The following DCAF4 variants were observed in gnomAD, a reference collection of about 807,000 sequenced individuals.
The protein encoded by DCAF4 is DDB1- and CUL4-associated factor 4.
Under a neutral mutation model 60.9 loss-of-function variants are expected in DCAF4, and 37 were observed. The ratio of observed to expected loss-of-function variants is 0.61; its 90% CI spans 0.47 to 0.80. The LOEUF (loss-of-function observed/expected upper bound fraction) is 0.80, where lower values mean the gene tolerates loss of function less well. DCAF4 is among the 30% of genes least tolerant of loss of function. The pLI, the probability that DCAF4 is intolerant of heterozygous loss-of-function variation, is 0.00. For synonymous variants in DCAF4, 243 were observed against 254.8 expected (o/e 0.95, Z 0.44); for missense variants, 577 against 650.0 (o/e 0.89, Z 1.22).
At chr14:72,953,765 T>TATATATATATATA (rs1891852668) in intron 9 of DCAF4, among the ~76,000 whole-genome samples, 2 of 21,972 alleles carry the variant, frequency 9.1e-5, no homozygotes, top group African/African-American at 1.5e-4. Flanking sequence ...ATATATATAG[T>TATATATATATATA]TTATTTATTT....
chr14:72,940,159 C>A, intron 3 of DCAF4, 61 bp from the exon 4 acceptor site: 1 of 1,600,782 alleles, frequency 6.2e-7, no homozygotes, highest in Non-Finnish European at 8.5e-7. Flanking sequence ...CACTGGGCGC[C>A]CAACTCAGGT....
chr14:72,953,723 AAAAAAAAAAATATATAT>A (rs1350608080), intron 9 of DCAF4, among the ~76,000 whole-genome samples: 4 of 53,664 alleles, frequency 7.5e-5, no homozygotes, highest in African/African-American at 3.6e-4. Context: ...AAAAAAAAAA[AAAAAAAAAAATATATAT>A]ATATATATAT....
chr14:72,940,089 A>G, intron 3 of DCAF4, 131 bp from the exon 4 acceptor site: 1 of 1,334,928 alleles, frequency 7.5e-7, no homozygotes, highest in Non-Finnish European at 1.1e-6. Flanking sequence ...ATGTTGCCTG[A>G]CAAGGCAGCT....
At chr14:72,929,687 G>A (rs1389796003) in intron 1 of DCAF4, 2 of 1,317,480 alleles carry the variant, frequency 1.5e-6, no homozygotes, top group East Asian at 4.7e-5. Context: ...TCTTGGCACG[G>A]ATGTGCGTCC....
At chr14:72,935,158 T>A (rs79762499) in intron 1 of DCAF4, 7,232 of 152,360 alleles carry the variant, frequency 0.047, 234 homozygotes, top group Non-Finnish European at 0.075. Context: ...TCCCCACCCC[T>A]GAACAGGCTT....
At position 72,955,914 on chromosome 14, in the gene DCAF4, C is replaced by CTTTT. The variant is rs71109770; in HGVS notation, c.1179+241_1179+244dup. On this transcript the variant is annotated intron_variant, in intron 12 of 13. Coordinates refer to ENST00000358377, the MANE Select transcript of DCAF4 (RefSeq NM_015604.4). ...GTGAAAAGGATTCTCTGGTTATGTC[C>CTTTT]TTTTTTTTTTTTTTTTTTTTTTTTT... 6.0e-3 allele frequency among the ~76,000 whole-genome samples: 329 copies of CTTTT among 54,772 alleles called. 35 individuals are homozygous for CTTTT. Among genetic ancestry groups the CTTTT allele is most frequent in the African/African-American group, 0.018 (249 of 13,968 alleles). The allele number at this position is 54,772 out of a possible 152,430, so 35.9% of individuals were successfully genotyped here.
At chr14:72,960,399 C>T (rs776547723), downstream of DCAF4, among the ~76,000 whole-genome samples, 3 of 152,150 alleles carry the variant, frequency 2.0e-5, no homozygotes, top group Non-Finnish European at 2.9e-5. Flanking sequence ...ATCTGCCCGC[C>T]TCAGCCTCCC....
intron 3 of DCAF4, 128 bp from the exon 4 acceptor site, chr14:72,940,092 A>G (rs1292233403): frequency 7.4e-7 from 1 of 1,350,186 alleles, no homozygotes; most frequent in African/African-American, 1.5e-5. Context: ...TTGCCTGACA[A>G]GGCAGCTCAT....
At chr14:72,948,920 C>A (rs998334845) in intron 8 of DCAF4, among the ~76,000 whole-genome samples, 4 of 152,210 alleles carry the variant, frequency 2.6e-5, no homozygotes, top group African/African-American at 9.6e-5. Flanking sequence ...CTTAGCCTGG[C>A]TCCGTAAGTA....
In DCAF4 at chr14:72,944,736, G is replaced by C. The variant is rs114771374; in HGVS notation, c.535-1148G>C. ...GATCCTGGGAAATCAAAGATGCAGTGAGCCATGATTGTGCCACCACACTCC... is the reference window on the plus strand; with the variant it reads ...GATCCTGGGAAATCAAAGATGCAGTCAGCCATGATTGTGCCACCACACTCC... On this transcript the variant is annotated intron_variant, in intron 6 of 13. Transcript: ENST00000358377. Among the ~76,000 whole-genome samples the C allele has an allele frequency of 7.2e-3, 1,098 of 151,926 alleles. 16 individuals carry two copies. The highest frequency in any genetic ancestry group is 0.025 in the African/African-American group (1,054 of 41,384).
downstream of DCAF4, chr14:72,961,986 C>G: frequency 9.0e-7 from 1 of 1,116,138 alleles, no homozygotes; most frequent in Non-Finnish European, 1.1e-6. Flanking sequence ...TCACCCACTT[C>G]CCTCTGTTCT....
intron 4 of DCAF4, among the ~76,000 whole-genome samples, chr14:72,941,091 G>A (rs1889985436): frequency 6.6e-6 from 1 of 152,104 alleles, no homozygotes; most frequent in Admixed American, 6.5e-5. Context: ...AGCCTCCCAA[G>A]TAGCTGGGAT....
downstream of DCAF4, chr14:72,960,771 G>A: frequency 1.3e-6 from 1 of 761,820 alleles, no homozygotes; most frequent in Non-Finnish European, 1.7e-6. Flanking sequence ...GAGGGGAAGA[G>A]GCCCAGGGAC....
At chr14:72,952,824 A>G (rs1172331558) in intron 9 of DCAF4, among the ~76,000 whole-genome samples, 10 of 148,664 alleles carry the variant, frequency 6.7e-5, no homozygotes, top group Non-Finnish European at 1.5e-4. Context: ...CCTCCCAAGT[A>G]GCTGAGATCA....
chr14:72,959,751 A>T, downstream of DCAF4: 1 of 709,706 alleles, frequency 1.4e-6, no homozygotes, highest in South Asian at 6.4e-5. Flanking sequence ...GGGCCCCTCC[A>T]GACCCACTCT....
In DCAF4 at chr14:72,929,298, C is replaced by G. The variant is rs116065956; in HGVS notation, c.-9+2755C>G. Among the ~76,000 whole-genome samples, 218 of 152,350 alleles carry G rather than the reference C, an allele frequency of 1.4e-3. 1 individual carries two copies. Among genetic ancestry groups the G allele is most frequent in the African/African-American group, 5.1e-3 (212 of 41,590 alleles). ...CGCTTTTGTGTGGAAAACTGCTAGA[C>G]TGTGAGAGAGAGCCGACCTCCTCAT... On this transcript the variant is annotated intron_variant, in intron 1 of 13. Coordinates refer to ENST00000358377, the MANE Select transcript of DCAF4 (RefSeq NM_015604.4).
Position 72,939,915 on chromosome 14 carries a change from G to A in DCAF4, c.193+13G>A. On this transcript the variant is annotated intron_variant, in intron 3 of 13. Coordinates refer to ENST00000358377, the MANE Select transcript of DCAF4 (RefSeq NM_015604.4). Reference sequence around the variant, plus strand: ...TCCTCTGTGCCAGGTAAGGCCACTTGCGGGGTGGGAATCCTGGCCCTTGCA... The same window carrying A: ...TCCTCTGTGCCAGGTAAGGCCACTTACGGGGTGGGAATCCTGGCCCTTGCA... 6.3e-7 allele frequency: 1 copy of A among 1,591,146 alleles called. No homozygotes were observed. Among genetic ancestry groups the A allele is most frequent in the Non-Finnish European group, 8.6e-7 (1 of 1,168,874 alleles).
At chr14:72,930,556 A>G (rs1276600875) in intron 1 of DCAF4, among the ~76,000 whole-genome samples, 1 of 152,224 alleles carries the variant, frequency 6.6e-6, no homozygotes, top group Non-Finnish European at 1.5e-5. Context: ...GGCGTGAGCC[A>G]CTGTGTCCGG....
intron 1 of DCAF4, among the ~76,000 whole-genome samples, chr14:72,928,338 C>T (rs1202257161): frequency 6.6e-6 from 1 of 151,594 alleles, no homozygotes; most frequent in African/African-American, 2.4e-5. Context: ...AGACTACGGG[C>T]GCACGCCACC....
Sources: gnomAD v4.1 joint callset for allele counts (sites outside exome capture counted in the v4.1 genomes callset) on GRCh38, gnomAD v4.1.1 for gene constraint, MANE v1.5 for transcripts, NCBI Gene and HGNC (gene_info 2026-07-23, HGNC 2026-07-21) for gene names.